CCDC178: variants seen among roughly 807,000 people sequenced by gnomAD.
The protein encoded by CCDC178 is coiled-coil domain containing 178, also known as coiled-coil domain-containing protein 178.
CCDC178 carries 126 observed loss-of-function variants against 117.4 expected under a neutral mutation model. The ratio of observed to expected loss-of-function variants is 1.07; its 90% CI spans 0.93 to 1.24. The LOEUF is 1.24. CCDC178 is among the 50% of genes most tolerant of loss of function. The probability of loss-of-function intolerance (pLI) is 0.00; values close to 1 mark genes in which losing one functional copy is unlikely to be tolerated. For missense variants in CCDC178, 1,030 were observed against 986.9 expected (o/e 1.04, Z -0.59); for synonymous variants, 283 against 313.4 (o/e 0.90, Z 1.02).
At chr18:33,096,467 G>A (rs993358030) in intron 20 of CCDC178, among the ~76,000 whole-genome samples, 10 of 150,996 alleles carry the variant, frequency 6.6e-5, no homozygotes, top group African/African-American at 2.4e-4. Flanking sequence ...TAGAAATAAG[G>A]CTGAACTTGC....
chr18:33,023,075 C>A (rs181854810), intron 21 of CCDC178, among the ~76,000 whole-genome samples: 402 of 152,032 alleles, frequency 2.6e-3, no homozygotes, highest in African/African-American at 9.1e-3. Context: ...AGCTGGGCTG[C>A]AAAATATGTG....
chr18:33,146,410 A>G lies in CCDC178; in HGVS notation c.2239-53500T>C, dbSNP rs190351860. ...TTCCTTGCATATTTTAAAACCTATC[A>G]CTTGGGAGACGAGGTAGGAAGACTG... On this transcript the variant is annotated intron_variant, in intron 20 of 22. Coordinates refer to ENST00000383096, the MANE Select transcript of CCDC178 (RefSeq NM_001105528.4). Among the ~76,000 whole-genome samples, 295 of 152,296 alleles carry G rather than the reference A, an allele frequency of 1.9e-3. 3 individuals carry two copies. The highest frequency in any genetic ancestry group is 3.8e-4 in the Non-Finnish European group (26 of 68,026).
intron 2 of CCDC178, among the ~76,000 whole-genome samples, chr18:33,414,937 G>C (rs1469235839): frequency 2.0e-5 from 3 of 152,110 alleles, no homozygotes; most frequent in East Asian, 3.9e-4. Flanking sequence ...GCAGCCAACA[G>C]ACACATGAAA....
intron 18 of CCDC178, among the ~76,000 whole-genome samples, chr18:33,218,716 C>T (rs2144611618): frequency 6.6e-6 from 1 of 152,228 alleles, no homozygotes; most frequent in Non-Finnish European, 1.5e-5. Flanking sequence ...GGAATCCTTT[C>T]CCCATTTCTT....
At chr18:33,407,435 C>T (rs970681405) in intron 3 of CCDC178, among the ~76,000 whole-genome samples, 1 of 152,036 alleles carries the variant, frequency 6.6e-6, no homozygotes, top group Non-Finnish European at 1.5e-5. Flanking sequence ...TAATAATATC[C>T]CAAATTCATA....
At chr18:33,432,837 G>C (rs1367456422) in intron 2 of CCDC178, among the ~76,000 whole-genome samples, 1 of 152,030 alleles carries the variant, frequency 6.6e-6, no homozygotes, top group African/African-American at 2.4e-5. Flanking sequence ...CAAATCTACT[G>C]TCTGTTAAGG....
At chr18:33,013,513 A>T (rs8096814) in intron 21 of CCDC178, among the ~76,000 whole-genome samples, 22,490 of 152,210 alleles carry the variant, frequency 0.15, 2,412 homozygotes, top group African/African-American at 0.31. Flanking sequence ...TATACTAAGA[A>T]GGCTATCTTG....
chr18:33,422,201 T>C (rs1282334808), intron 2 of CCDC178, among the ~76,000 whole-genome samples: 1 of 152,206 alleles, frequency 6.6e-6, no homozygotes, highest in Non-Finnish European at 1.5e-5. Flanking sequence ...TAATTGTTTC[T>C]CTTGGCATGC....
intron 7 of CCDC178, among the ~76,000 whole-genome samples, chr18:33,351,147 GATGT>G (rs1367828267): frequency 0.019 from 1,378 of 74,066 alleles, 17 homozygotes; most frequent in African/African-American, 0.068. Context: ...CACTGATCAT[GATGT>G]GTGTGTGTGT....
At chr18:33,405,527 T>A (rs1470759297) in intron 3 of CCDC178, among the ~76,000 whole-genome samples, 1 of 151,838 alleles carries the variant, frequency 6.6e-6, no homozygotes, top group East Asian at 1.9e-4. Flanking sequence ...CAAATGACAA[T>A]TAGATAATAC....
In CCDC178 at chr18:33,291,401, T is replaced by C. The variant is rs111503844; in HGVS notation, c.1176+1758A>G. On this transcript the variant is annotated intron_variant, in intron 12 of 22. Coordinates refer to ENST00000383096, the MANE Select transcript of CCDC178 (RefSeq NM_001105528.4). ...TGACACTCAGTATATAGCAGGAAAATCATGAGCAGGTTTTCACAGAAAAGG... is the reference window on the plus strand; with the variant it reads ...TGACACTCAGTATATAGCAGGAAAACCATGAGCAGGTTTTCACAGAAAAGG... Among the ~76,000 whole-genome samples, 749 of 152,052 alleles carry C rather than the reference T, an allele frequency of 4.9e-3. 5 individuals are homozygous for C. The highest frequency in any genetic ancestry group is 0.027 in the Middle Eastern group (8 of 294).
chr18:33,203,515 CTTCA>C (rs2059015937), intron 20 of CCDC178, among the ~76,000 whole-genome samples: 1 of 151,890 alleles, frequency 6.6e-6, no homozygotes, highest in South Asian at 2.1e-4. Flanking sequence ...AATATAATGA[CTTCA>C]TTATCTTATT....
intron 15 of CCDC178, among the ~76,000 whole-genome samples, chr18:33,236,473 T>G (rs1435696017): frequency 2.0e-5 from 3 of 152,066 alleles, no homozygotes; most frequent in Non-Finnish European, 4.4e-5. Context: ...TTAGCAGGAG[T>G]GATTAACCAT....
chr18:33,374,412 T>C (rs992305113), intron 5 of CCDC178, among the ~76,000 whole-genome samples: 1 of 152,130 alleles, frequency 6.6e-6, no homozygotes, highest in African/African-American at 2.4e-5. Flanking sequence ...ATCAAGAAAA[T>C]GCACATTTAA....
At position 33,331,012 on chromosome 18, in the gene CCDC178, T is replaced by C. The variant is rs565323906; in HGVS notation, c.879+2162A>G. On this transcript the variant is annotated intron_variant, in intron 10 of 22. Transcript: ENST00000383096. ...ACTGTCATTTTGGCCCTGATAAGCTTTACACAAACATTGCTTTTTTTTTTT... is the reference window on the plus strand; with the variant it reads ...ACTGTCATTTTGGCCCTGATAAGCTCTACACAAACATTGCTTTTTTTTTTT... Among the ~76,000 whole-genome samples, 4 of 149,244 alleles carry C rather than the reference T, an allele frequency of 2.7e-5. No homozygotes were observed. In the Admixed American group the frequency reaches 2.7e-4, roughly 10 times the overall value.
chr18:33,250,394 T>C (rs2059606764), intron 14 of CCDC178, among the ~76,000 whole-genome samples: 1 of 150,946 alleles, frequency 6.6e-6, no homozygotes, highest in East Asian at 2.0e-4. Flanking sequence ...TAATTAGGCT[T>C]ATCATAATAC....
intron 21 of CCDC178, among the ~76,000 whole-genome samples, chr18:33,072,488 G>T (rs2057126492): frequency 6.6e-6 from 1 of 152,078 alleles, no homozygotes; most frequent in Admixed American, 6.6e-5. Context: ...CCTCTATTCA[G>T]TAAAAGAGAA....
intron 10 of CCDC178, among the ~76,000 whole-genome samples, chr18:33,326,465 A>C (rs2062586411): frequency 6.6e-6 from 1 of 152,054 alleles, no homozygotes; most frequent in Non-Finnish European, 1.5e-5. Flanking sequence ...TAAGGGGTAA[A>C]ATATGTGCCT....
chr18:33,020,807 T>C (rs898754581), intron 21 of CCDC178, among the ~76,000 whole-genome samples: 1 of 152,204 alleles, frequency 6.6e-6, no homozygotes, highest in Non-Finnish European at 1.5e-5. Flanking sequence ...TCTAAGTTAA[T>C]TCACGTAAGT....
Sources: gnomAD v4.1 joint callset for allele counts (sites outside exome capture counted in the v4.1 genomes callset) on GRCh38, gnomAD v4.1.1 for gene constraint, MANE v1.5 for transcripts, NCBI Gene and HGNC (gene_info 2026-07-23, HGNC 2026-07-21) for gene names.